Variants in ELP3 observed in about 807,000 individuals in gnomAD.
ELP3 encodes elongator acetyltransferase complex subunit 3.
Under a neutral mutation model 74.9 loss-of-function variants are expected in ELP3, and 56 were observed. The ratio of observed to expected loss-of-function variants is 0.75; its 90% CI spans 0.60 to 0.93. ELP3 has a LOEUF of 0.93. ELP3 is among the 40% of genes least tolerant of loss of function. The pLI is 0.00. For synonymous variants in ELP3, 222 were observed against 239.8 expected, an observed-to-expected ratio of 0.93 and a Z score of 0.68; for missense variants, 573 against 686.5, an observed-to-expected ratio of 0.83 and a Z score of 1.85.
chr8:28,177,303 C>G (rs912191268), intron 14 of ELP3, among the ~76,000 whole-genome samples: 1 of 152,078 alleles, frequency 6.6e-6, no homozygotes, highest in East Asian at 1.9e-4. Context: ...TTCAAACATT[C>G]AGGATAGAAA....
chr8:28,141,209 A>T (rs1039245584), intron 10 of ELP3, among the ~76,000 whole-genome samples: 5 of 152,246 alleles, frequency 3.3e-5, no homozygotes, highest in Admixed American at 2.0e-4. Context: ...GATCAAAGTG[A>T]ACATTATCAG....
intron 14 of ELP3, among the ~76,000 whole-genome samples, chr8:28,186,629 A>G (rs1436532136): frequency 6.6e-6 from 1 of 152,208 alleles, no homozygotes; most frequent in Non-Finnish European, 1.5e-5. Context: ...AAAGGGCTGG[A>G]TCTAGTGAGG....
chr8:28,136,024 C>A (rs1327294816), intron 9 of ELP3, among the ~76,000 whole-genome samples: 1 of 150,308 alleles, frequency 6.7e-6, no homozygotes. Context: ...TGCAGTGGCA[C>A]GATCTTGGCT....
chr8:28,162,619 AT>A (rs1269261234), intron 14 of ELP3, among the ~76,000 whole-genome samples: 4 of 152,202 alleles, frequency 2.6e-5, no homozygotes, highest in Non-Finnish European at 5.9e-5. Flanking sequence ...GGGTCCGAAA[AT>A]TAAACTGACA....
chr8:28,183,200 A>ACAG (rs1815089942), intron 14 of ELP3: 2 of 461,182 alleles, frequency 4.3e-6, no homozygotes, highest in Non-Finnish European at 4.4e-6. Context: ...AAAGGGGTGG[A>ACAG]TGTCCTGGGG....
intron 1 of ELP3, among the ~76,000 whole-genome samples, chr8:28,094,766 A>C (rs1162669379): frequency 1.3e-5 from 2 of 152,152 alleles, no homozygotes; most frequent in African/African-American, 2.4e-5. Flanking sequence ...AAAGAAAAAA[A>C]ATTGTCGATC....
intron 10 of ELP3, among the ~76,000 whole-genome samples, chr8:28,149,991 TG>T (rs1257962260): frequency 6.6e-6 from 1 of 152,234 alleles, no homozygotes; most frequent in Non-Finnish European, 1.5e-5. Flanking sequence ...GAATTTGCAA[TG>T]TGCATTTACT....
chr8:28,163,597 G>A (rs1322215992), intron 14 of ELP3, among the ~76,000 whole-genome samples: 1 of 150,676 alleles, frequency 6.6e-6, no homozygotes, highest in Non-Finnish European at 1.5e-5. Flanking sequence ...CGCACAAAGA[G>A]GTAACTAAAT....
intron 14 of ELP3, among the ~76,000 whole-genome samples, chr8:28,172,720 T>C (rs928189594): frequency 6.6e-6 from 1 of 152,072 alleles, no homozygotes; most frequent in African/African-American, 2.4e-5. Context: ...CTTCTGATCT[T>C]AGGGGGAGAG....
chr8:28,106,539 CAAAAAAAAAAAAAAA>C (rs61714722), intron 3 of ELP3, among the ~76,000 whole-genome samples, 159 bp from the exon 4 acceptor site: 71,737 of 113,104 alleles, frequency 0.63, 19,190 homozygotes, highest in East Asian at 0.9. Flanking sequence ...GACTCCGTCT[CAAAAAAAAAAAAAAA>C]AAAAAAAAAA....
chr8:28,108,846 A>G (rs958078998), intron 5 of ELP3, among the ~76,000 whole-genome samples: 4 of 152,218 alleles, frequency 2.6e-5, no homozygotes, highest in African/African-American at 9.6e-5. Flanking sequence ...GAGATGTAAA[A>G]TCAAGTAAGG....
chr8:28,154,692 C>T (rs1813762951), intron 10 of ELP3, among the ~76,000 whole-genome samples: 1 of 152,006 alleles, frequency 6.6e-6, no homozygotes, highest in South Asian at 2.1e-4. Flanking sequence ...ACTTTAGTAG[C>T]CTTCATTTAG....
chr8:28,099,463 A>G (rs527515396), intron 2 of ELP3, among the ~76,000 whole-genome samples: 1 of 152,334 alleles, frequency 6.6e-6, no homozygotes, highest in Non-Finnish European at 1.5e-5. Flanking sequence ...GCCACCTGCC[A>G]CAGCAAAGAA....
At chr8:28,105,870 C>G (rs1287813600) in intron 3 of ELP3, among the ~76,000 whole-genome samples, 1 of 152,178 alleles carries the variant, frequency 6.6e-6, no homozygotes, top group Non-Finnish European at 1.5e-5. Flanking sequence ...TGCCTCCTGT[C>G]GTCACCTCAC....
intron 7 of ELP3, among the ~76,000 whole-genome samples, chr8:28,119,320 G>C (rs766037882): frequency 6.6e-6 from 1 of 151,848 alleles, no homozygotes. Context: ...TTTTTAGTGA[G>C]CATCCACATA....
chr8:28,092,275 G>A (rs1223084111), upstream of ELP3, among the ~76,000 whole-genome samples: 1 of 152,124 alleles, frequency 6.6e-6, no homozygotes, highest in African/African-American at 2.4e-5. Context: ...CTGTCGTCTA[G>A]GCTGGACAAC....
chr8:28,115,931 A>C (rs952584327), intron 7 of ELP3, among the ~76,000 whole-genome samples: 1 of 152,146 alleles, frequency 6.6e-6, no homozygotes, highest in Non-Finnish European at 1.5e-5. Flanking sequence ...AGCTAATTAT[A>C]AGGTTGTTCA....
At chr8:28,112,152 T>A (rs13282722) in intron 6 of ELP3, among the ~76,000 whole-genome samples, 55,607 of 151,610 alleles carry the variant, frequency 0.37, 10,537 homozygotes, top group African/African-American at 0.46. Context: ...TATTATTATT[T>A]TTTTTTTTTT....
intron 10 of ELP3, 128 bp from the exon 11 acceptor site, chr8:28,155,814 C>T (rs1813802593): frequency 4.7e-6 from 3 of 641,078 alleles, no homozygotes; most frequent in Non-Finnish European, 7.9e-6. Flanking sequence ...CCTCTGATTT[C>T]CTGGTCAGCT....
Sources: gnomAD v4.1 joint callset for allele counts (sites outside exome capture counted in the v4.1 genomes callset) on GRCh38, gnomAD v4.1.1 for gene constraint, MANE v1.5 for transcripts, NCBI Gene and HGNC (gene_info 2026-07-23, HGNC 2026-07-21) for gene names.